TMEM117: variants seen among roughly 807,000 people sequenced by gnomAD.
The protein encoded by TMEM117 is transmembrane protein 117.
TMEM117 carries 27 observed loss-of-function variants against 52.4 expected under a neutral mutation model. That is an observed-to-expected ratio of 0.51 (90% CI 0.38 to 0.71). TMEM117 has a LOEUF of 0.71. Among genes scored for constraint, TMEM117 ranks in the 30% least tolerant of loss-of-function variants. The pLI is 0.00. For missense variants in TMEM117, 556 were observed against 630.5 expected, an observed-to-expected ratio of 0.88 and a Z score of 1.26; for synonymous variants, 215 against 206.3, an observed-to-expected ratio of 1.04 and a Z score of -0.36.
At chr12:44,155,893 A>G (rs1948818762) in intron 4 of TMEM117, among the ~76,000 whole-genome samples, 1 of 152,076 alleles carries the variant, frequency 6.6e-6, no homozygotes, top group Non-Finnish European at 1.5e-5. Flanking sequence ...ACAGCACAGC[A>G]CAGGGCATGA....
chr12:43,871,144 C>T (rs1011136416), intron 2 of TMEM117, among the ~76,000 whole-genome samples: 1 of 151,134 alleles, frequency 6.6e-6, no homozygotes, highest in Non-Finnish European at 1.5e-5. Flanking sequence ...GCTCTGTCGC[C>T]CAGGCTGGAG....
At chr12:44,097,408 A>G (rs888621739) in intron 3 of TMEM117, among the ~76,000 whole-genome samples, 1 of 152,082 alleles carries the variant, frequency 6.6e-6, no homozygotes, top group African/African-American at 2.4e-5. Flanking sequence ...ATAAAGAGAC[A>G]TGCACACGTA....
intron 6 of TMEM117, among the ~76,000 whole-genome samples, chr12:44,371,668 G>T (rs535164278): frequency 2.0e-5 from 3 of 152,204 alleles, no homozygotes; most frequent in Non-Finnish European, 4.4e-5. Context: ...AAACAGTGTT[G>T]GTTTCAAGTT....
At chr12:44,101,280 G>T (rs1177755570) in intron 3 of TMEM117, among the ~76,000 whole-genome samples, 1 of 151,766 alleles carries the variant, frequency 6.6e-6, no homozygotes, top group Admixed American at 6.6e-5. Context: ...CAACATCTTA[G>T]GTTGGTGATG....
chr12:43,960,220 G>T (rs1468126003), intron 3 of TMEM117, among the ~76,000 whole-genome samples: 7 of 152,196 alleles, frequency 4.6e-5, no homozygotes, highest in East Asian at 1.9e-4. Flanking sequence ...CCGAGAAAGG[G>T]CTGGTGGCAA....
chr12:44,252,303 G>A (rs538568791), intron 5 of TMEM117, among the ~76,000 whole-genome samples: 78 of 152,118 alleles, frequency 5.1e-4, no homozygotes, highest in Non-Finnish European at 7.6e-4. Flanking sequence ...TCCAGAGTTC[G>A]AGACCATCCT....
chr12:43,839,851 T>A (rs1943089845), intron 1 of TMEM117, among the ~76,000 whole-genome samples: 1 of 152,268 alleles, frequency 6.6e-6, no homozygotes, highest in Non-Finnish European at 1.5e-5. Flanking sequence ...CACTTTTATA[T>A]GATGATCAGC....
At chr12:44,241,572 G>T (rs778187361) in intron 5 of TMEM117, among the ~76,000 whole-genome samples, 2 of 151,800 alleles carry the variant, frequency 1.3e-5, no homozygotes, top group Non-Finnish European at 2.9e-5. Flanking sequence ...TTATTAGAGC[G>T]CTCTCCTACT....
chr12:43,828,902 G>A, the TMEM117 span, among the ~76,000 whole-genome samples: 4 of 151,984 alleles, frequency 2.6e-5, no homozygotes, highest in African/African-American at 4.8e-5. Context: ...TTCAGCACTT[G>A]TTAATTGAGA....
the TMEM117 span, among the ~76,000 whole-genome samples, chr12:43,809,136 C>T: frequency 2.0e-5 from 3 of 152,146 alleles, no homozygotes; most frequent in Non-Finnish European, 4.4e-5. Context: ...GACTATGATG[C>T]GTGCCACATT....
chr12:44,386,289 T>A (rs1215063758), intron 7 of TMEM117, among the ~76,000 whole-genome samples: 1 of 152,134 alleles, frequency 6.6e-6, no homozygotes, highest in African/African-American at 2.4e-5. Context: ...ATCTTTAATA[T>A]GAACCTGGTT....
chr12:43,998,914 G>C (rs545200851), intron 3 of TMEM117, among the ~76,000 whole-genome samples: 11 of 152,270 alleles, frequency 7.2e-5, no homozygotes, highest in Admixed American at 7.2e-4. Flanking sequence ...CTTCACAAGA[G>C]AATATTCAAA....
intron 4 of TMEM117, among the ~76,000 whole-genome samples, chr12:44,198,695 G>A (rs901605623): frequency 1.4e-4 from 22 of 152,080 alleles, no homozygotes; most frequent in Non-Finnish European, 1.5e-5. Flanking sequence ...CTTGAGCCAG[G>A]GCCAAGAAAG....
intron 3 of TMEM117, among the ~76,000 whole-genome samples, chr12:44,033,554 C>T (rs1314423915): frequency 2.0e-5 from 3 of 152,104 alleles, no homozygotes; most frequent in Non-Finnish European, 4.4e-5. Flanking sequence ...AGCTGGAAAG[C>T]CAACAAGCTC....
At chr12:44,208,730 T>TTTG (rs1219741297) in intron 4 of TMEM117, among the ~76,000 whole-genome samples, 35 of 147,954 alleles carry the variant, frequency 2.4e-4, no homozygotes, top group African/African-American at 8.3e-4. Flanking sequence ...AGAATGTTTT[T>TTTG]TTTTTTTTTT....
At chr12:44,208,913 A>G (rs1041387555) in intron 4 of TMEM117, among the ~76,000 whole-genome samples, 3 of 152,066 alleles carry the variant, frequency 2.0e-5, no homozygotes, top group Non-Finnish European at 4.4e-5. Context: ...AAAATTGAAT[A>G]AAACCCACCC....
intron 5 of TMEM117, among the ~76,000 whole-genome samples, chr12:44,242,990 T>C (rs1950082591): frequency 6.6e-6 from 1 of 152,036 alleles, no homozygotes; most frequent in Admixed American, 6.6e-5. Flanking sequence ...TTGATGTGCA[T>C]TTCTCTAATG....
At chr12:44,133,505 T>C (rs1565842221) in intron 3 of TMEM117, among the ~76,000 whole-genome samples, 1 of 152,166 alleles carries the variant, frequency 6.6e-6, no homozygotes, top group Non-Finnish European at 1.5e-5. Context: ...TTTTCCTTTT[T>C]CTTTTTGCTT....
At chr12:43,893,509 A>G (rs1230638487) in intron 2 of TMEM117, among the ~76,000 whole-genome samples, 3 of 152,180 alleles carry the variant, frequency 2.0e-5, no homozygotes, top group African/African-American at 7.2e-5. Context: ...TGCCTTTTTC[A>G]GTGCATATTT....
Sources: gnomAD v4.1 joint callset for allele counts (sites outside exome capture counted in the v4.1 genomes callset) on GRCh38, gnomAD v4.1.1 for gene constraint, MANE v1.5 for transcripts, NCBI Gene and HGNC (gene_info 2026-07-23, HGNC 2026-07-21) for gene names.